HSPA4: variants seen among roughly 807,000 people sequenced by gnomAD.
HSPA4 encodes the protein heat shock 70 kDa protein 4.
HSPA4 carries 25 observed loss-of-function variants against 106.2 expected under a neutral mutation model. That is an observed-to-expected ratio of 0.24 (90% confidence interval 0.17 to 0.33). The LOEUF (loss-of-function observed/expected upper bound fraction) is 0.33. Ranked by LOEUF, HSPA4 falls within the 10% of genes least tolerant of loss-of-function variation. The pLI is 1.00. For missense variants in HSPA4, 841 were observed against 996.0 expected (o/e 0.84, Z 2.10); for synonymous variants, 332 against 333.6 (o/e 1.00, Z 0.05).
intron 10 of HSPA4, 52 bp from the exon 11 acceptor site, chr5:133,089,510 A>G: frequency 6.4e-7 from 1 of 1,555,384 alleles, no homozygotes; most frequent in Non-Finnish European, 8.8e-7. Context: ...CACATGGGTA[A>G]AAGTGTTAGG....
intron 4 of HSPA4, 65 bp downstream of exon 4, chr5:133,070,561 A>G (rs1765368359): frequency 2.6e-6 from 4 of 1,566,498 alleles, no homozygotes; most frequent in South Asian, 1.1e-5. Context: ...AAAGCTGCTA[A>G]TTTCAAGTAA....
rs756453012 is a variant in HSPA4 at position 133,104,382 on chromosome 5, C to G, written c.2469C>G (p.Asp823Glu). ...CCCAGGCTGCTGAGCAGGGTACAGA[C>G]ACAGCTGTGCCTTCGGATTCAGACA... ...PGPQAAEQGTDTAVPSDSDKK... is the reference protein window; with the variant it reads ...PGPQAAEQGTETAVPSDSDKK... Residue 823 changes from aspartate to glutamate, a missense_variant, in exon 19 of 19, where the codon GAC (aspartate) becomes GAG (glutamate). This residue lies in a region of HSPA4 where 328 missense variants were observed against 372.2 expected (regional missense o/e 0.88). Coordinates refer to ENST00000304858, the MANE Select transcript of HSPA4 (RefSeq NM_002154.4). 2.5e-5 allele frequency: 41 copies of G among 1,614,050 alleles called. No homozygotes were observed. Among genetic ancestry groups the G allele is most frequent in the Middle Eastern group, 1.6e-4 (1 of 6,084 alleles).
chr5:133,084,390 C>A (rs905977273), intron 7 of HSPA4, among the ~76,000 whole-genome samples: 10 of 152,262 alleles, frequency 6.6e-5, no homozygotes, highest in Non-Finnish European at 1.0e-4. Flanking sequence ...CATGTAAGAT[C>A]TCTGGTTGCT....
At chr5:133,088,855 A>G (rs1765610809) in intron 9 of HSPA4, among the ~76,000 whole-genome samples, 200 bp from the exon 10 acceptor site, 1 of 152,236 alleles carries the variant, frequency 6.6e-6, no homozygotes, top group African/African-American at 2.4e-5. Context: ...TGGGGTTAAT[A>G]GAAAAATAAG....
At chr5:133,102,115 T>G (rs537645166) in intron 17 of HSPA4, among the ~76,000 whole-genome samples, 2 of 152,098 alleles carry the variant, frequency 1.3e-5, no homozygotes, top group African/African-American at 4.8e-5. Context: ...TTAGTAGAGA[T>G]GGAGTTTTGC....
At chr5:133,101,687 C>T (rs766591247) in intron 16 of HSPA4, 72 bp from the exon 17 acceptor site, 27 of 1,387,056 alleles carry the variant, frequency 1.9e-5, no homozygotes, top group Non-Finnish European at 2.7e-5. Context: ...TGTACTTTAT[C>T]ACTAGTTTTA....
At chr5:133,097,818 G>A (rs763680672) in intron 15 of HSPA4, among the ~76,000 whole-genome samples, 2 of 151,636 alleles carry the variant, frequency 1.3e-5, no homozygotes, top group Non-Finnish European at 2.9e-5. Flanking sequence ...CGAAGTGCTG[G>A]GATTACAGGT....
At chr5:133,052,624 A>G in intron 1 of HSPA4, 1 of 431,294 alleles carries the variant, frequency 2.3e-6, no homozygotes, top group Non-Finnish European at 4.2e-6. Context: ...GGACCAGCGG[A>G]GGGCACGGGT....
chr5:133,073,923 T>A, intron 5 of HSPA4, 70 bp from the exon 6 acceptor site: 1 of 1,176,800 alleles, frequency 8.5e-7, no homozygotes. Flanking sequence ...ATAAAACCTC[T>A]TTTTTCCTGC....
chr5:133,089,459 G>T, intron 10 of HSPA4, 103 bp from the exon 11 acceptor site: 1 of 1,006,428 alleles, frequency 9.9e-7, no homozygotes. Context: ...CAATTGAAAA[G>T]AGAGAGAAAC....
At chr5:133,099,079 A>G (rs1765751654) in intron 15 of HSPA4, among the ~76,000 whole-genome samples, 1 of 152,098 alleles carries the variant, frequency 6.6e-6, no homozygotes, top group African/African-American at 2.4e-5. Context: ...AAGTAGACCA[A>G]CATTTGCCAT....
intron 6 of HSPA4, among the ~76,000 whole-genome samples, chr5:133,075,458 T>C (rs1011339778): frequency 7.2e-5 from 11 of 152,192 alleles, no homozygotes; most frequent in Non-Finnish European, 1.6e-4. Context: ...ATTATAAAAA[T>C]ATTCATTACA....
rs541410427 is a variant in HSPA4 at position 133,104,344 on chromosome 5, G to C, written c.2431G>C (p.Asp811His). 3.1e-6 allele frequency: 5 copies of C among 1,614,202 alleles called. No homozygotes were observed. In the South Asian group the frequency reaches 5.5e-5, roughly 18 times the overall value. The change falls in exon 19 of 19, where the codon GAC (aspartate) becomes CAC (histidine). Residue 811 changes from aspartate to histidine, a missense_variant. Asp to His is a moderately conservative substitution (Grantham distance 81, BLOSUM62 -1). This residue lies in a region of HSPA4 where 328 missense variants were observed against 372.2 expected (regional missense o/e 0.88). Transcript: ENST00000304858. ...EQNGPVDGQG[D>H]NPGPQAAEQG... is the part of the protein sequence containing the mutation. The stretch of plus-strand genomic sequence containing the variant: ...GAATGGACCAGTGGATGGACAAGGA[G>C]ACAACCCAGGCCCCCAGGCTGCTGA...
chr5:133,071,999 C>G (rs1316754053), intron 4 of HSPA4, among the ~76,000 whole-genome samples: 3 of 152,096 alleles, frequency 2.0e-5, no homozygotes, highest in Non-Finnish European at 2.9e-5. Flanking sequence ...CATCTAGTGC[C>G]CCTAGCTTTG....
At chr5:133,091,425 A>C in intron 12 of HSPA4, 51 bp downstream of exon 12, 1 of 1,414,362 alleles carries the variant, frequency 7.1e-7, no homozygotes. Context: ...TGACTTGTCT[A>C]GAAATTGTAG....
chr5:133,058,432 C>G (rs927185968), intron 1 of HSPA4, among the ~76,000 whole-genome samples: 1 of 152,082 alleles, frequency 6.6e-6, no homozygotes, highest in African/African-American at 2.4e-5. Context: ...AATCTCAGCA[C>G]TTGAAGAGGC....
In HSPA4 at chr5:133,072,392, G is replaced by GTTTTTTTTT. The variant is rs748459297; in HGVS notation, c.430-823_430-815dup. 3.8e-3 allele frequency among the ~76,000 whole-genome samples: 291 copies of GTTTTTTTTT among 75,728 alleles called. 14 individuals are homozygous for GTTTTTTTTT. The highest frequency in any genetic ancestry group is 8.3e-3 in the African/African-American group (156 of 18,870). 49.7% of individuals were successfully genotyped at this position (75,728 alleles called of 152,430 possible). A position where few individuals can be genotyped will look rare whatever the true frequency, so the allele number is the denominator to read the frequency against. ...GTTCTGCCTAGCCTGGTCCAGGGTT[G>GTTTTTTTTT]TTTTTTTTTTTTTTTTTTTTTTTGG... On this transcript the variant is annotated intron_variant, in intron 4 of 18. Coordinates refer to ENST00000304858, the MANE Select transcript of HSPA4 (RefSeq NM_002154.4).
Position 133,089,616 on chromosome 5 carries a change from A to G in HSPA4, c.1299A>G (p.Thr433=), listed in dbSNP as rs1298180740. 17 of 1,613,050 alleles carry G rather than the reference A, an allele frequency of 1.1e-5. No homozygotes were observed. Among genetic ancestry groups the G allele is most frequent in the South Asian group, 2.2e-5 (2 of 91,010 alleles). Reference sequence around the variant, plus strand: ...CTGCTCCTTTCTCTAAAGTTCTTACATTTTATAGAAAGGAACCTTTCACTC... The same window carrying G: ...CTGCTCCTTTCTCTAAAGTTCTTACGTTTTATAGAAAGGAACCTTTCACTC... The part of the protein sequence containing the change: ...NHAAPFSKVL[T]FYRKEPFTLE... The change falls in exon 11 of 19, where the codon ACA becomes ACG. Residue 433 remains threonine, a synonymous_variant. Transcript: ENST00000304858.
At chr5:133,059,306 G>A (rs1247521726) in intron 1 of HSPA4, among the ~76,000 whole-genome samples, 5 of 151,660 alleles carry the variant, frequency 3.3e-5, no homozygotes, top group Non-Finnish European at 7.4e-5. Flanking sequence ...AAATTAGCTG[G>A]GTGTGGTGGC....
Sources: allele counts gnomAD v4.1 joint callset (sites outside exome capture counted in the v4.1 genomes callset), GRCh38; gene constraint gnomAD v4.1.1; regional missense constraint gnomAD v4.1.1; transcripts MANE v1.5; gene names NCBI Gene and HGNC (gene_info 2026-07-23, HGNC 2026-07-21).